The following SYT1 variants were observed in gnomAD, a reference collection of about 807,000 sequenced individuals.
SYT1 encodes the protein synaptotagmin 1, also known as synaptotagmin-1.
A neutral mutation model predicts 44.8 loss-of-function variants in SYT1; 8 were observed. That is an observed-to-expected ratio of 0.18 (90% confidence interval 0.10 to 0.32). The LOEUF is 0.32. SYT1 is among the 10% of genes least tolerant of loss of function. The pLI, the probability that SYT1 is intolerant of heterozygous loss-of-function variation, is 1.00. For missense variants in SYT1, 286 were observed against 509.3 expected, an observed-to-expected ratio of 0.56 and a Z score of 4.22; for synonymous variants, 154 against 188.8, an observed-to-expected ratio of 0.82 and a Z score of 1.51.
chr12:79,056,783 C>T (rs1309761385), intron 3 of SYT1, among the ~76,000 whole-genome samples: 1 of 151,850 alleles, frequency 6.6e-6, no homozygotes, highest in Non-Finnish European at 1.5e-5. Context: ...ATTCTTTTAC[C>T]AAAGAAATCT....
chr12:79,157,180 A>G (rs1422657654), intron 3 of SYT1, among the ~76,000 whole-genome samples: 1 of 152,182 alleles, frequency 6.6e-6, no homozygotes, highest in African/African-American at 2.4e-5. Flanking sequence ...CTGTCAGGCA[A>G]GCTTGTCACG....
At chr12:78,922,295 G>T (rs2137166847) in intron 1 of SYT1, among the ~76,000 whole-genome samples, 1 of 151,974 alleles carries the variant, frequency 6.6e-6, no homozygotes. Context: ...TACAATGAAT[G>T]TGTAACTAAT....
At chr12:79,201,866 C>T (rs1347913433) in intron 3 of SYT1, among the ~76,000 whole-genome samples, 1 of 152,122 alleles carries the variant, frequency 6.6e-6, no homozygotes, top group Non-Finnish European at 1.5e-5. Flanking sequence ...GTTTGGCACA[C>T]TCAGTATAAG....
rs184878462 is a variant in SYT1 at position 79,350,498 on chromosome 12, C to T, written c.811-3004C>T. On this transcript the variant is annotated intron_variant, in intron 8 of 10. Coordinates refer to ENST00000261205, the MANE Select transcript of SYT1 (RefSeq NM_005639.3). ...CGATGTCCTGACCTCGTGATCCGCC[C>T]GCCTCGGACTCCCAAAGAGCTGGGA... Among the ~76,000 whole-genome samples the T allele has an allele frequency of 8.2e-4, 124 of 152,062 alleles. 1 individual carries two copies. In the East Asian group the frequency reaches 8.5e-3, roughly 10 times the overall value.
chr12:79,407,761 T>C (rs1451120194), intron 9 of SYT1, among the ~76,000 whole-genome samples: 1 of 152,098 alleles, frequency 6.6e-6, no homozygotes, highest in Non-Finnish European at 1.5e-5. Flanking sequence ...TTTGCAACTC[T>C]CTTACGCACA....
intron 3 of SYT1, among the ~76,000 whole-genome samples, chr12:79,074,791 A>C (rs1876525712): frequency 6.6e-6 from 1 of 152,244 alleles, no homozygotes; most frequent in African/African-American, 2.4e-5. Context: ...TTCAAGCCCA[A>C]TTCTGAATGT....
rs185330486 is a variant in SYT1 at position 79,058,699 on chromosome 12, T to G, written c.-18+11337T>G. Among the ~76,000 whole-genome samples, 1,169 of 152,066 alleles carry G rather than the reference T, an allele frequency of 7.7e-3. 56 individuals carry two copies. The highest frequency in any genetic ancestry group is 0.07 in the Admixed American group (1,060 of 15,232). ...TGTTAATTTAAATAAACAAATAACT[T>G]AAGGAATTTCTGGCAGTGTGGGGTC... On this transcript the variant is annotated intron_variant, in intron 3 of 10. Transcript: ENST00000261205.
rs114669467 is a variant in SYT1 at position 78,880,319 on chromosome 12, T to G, written c.-217+15210T>G. On this transcript the variant is annotated intron_variant, in intron 1 of 10. Transcript: ENST00000261205. ...TCTCTTTTGATTACTTCTTCAAACC[T>G]TTTGTGTGTTTACTCAATTTTTGTG... Among the ~76,000 whole-genome samples, 776 of 151,822 alleles carry G rather than the reference T, an allele frequency of 5.1e-3. 11 individuals carry two copies. Among genetic ancestry groups the G allele is most frequent in the African/African-American group, 0.017 (718 of 41,482 alleles).
At chr12:79,410,441 A>C (rs1472807512) in intron 9 of SYT1, among the ~76,000 whole-genome samples, 3 of 144,278 alleles carry the variant, frequency 2.1e-5, no homozygotes, top group South Asian at 2.2e-4. Flanking sequence ...CCCCTTCCTC[A>C]TCTCTCTTTT....
chr12:79,433,774 G>C (rs1463077587), intron 9 of SYT1, among the ~76,000 whole-genome samples: 6 of 152,096 alleles, frequency 3.9e-5, no homozygotes, highest in Non-Finnish European at 7.4e-5. Flanking sequence ...GGAGAAACAG[G>C]CTTGAATTAT....
At position 79,451,835 on chromosome 12, in the gene SYT1, G is replaced by C. The variant is rs1157027212; in HGVS notation, c.*2711G>C. On this transcript the variant is annotated 3_prime_UTR_variant, in exon 11 of 11. Transcript: ENST00000261205. The stretch of plus-strand genomic sequence containing the variant: ...TTGGGGTGTTTTCCTCTGCCATATG[G>C]CTCGTGGCCTGCGAGCCAACTATTT... 6.6e-6 allele frequency: 1 copy of C among 152,126 alleles called. No homozygotes were observed. Among genetic ancestry groups the C allele is most frequent in the Non-Finnish European group, 1.5e-5 (1 of 68,040 alleles). The allele number at this position is 152,126 out of a possible 1,614,324, so 9.4% of individuals were successfully genotyped here. A position where few individuals can be genotyped will look rare whatever the true frequency, so the allele number is the denominator to read the frequency against.
At chr12:78,958,239 A>G (rs1879316763) in intron 1 of SYT1, among the ~76,000 whole-genome samples, 1 of 152,204 alleles carries the variant, frequency 6.6e-6, no homozygotes, top group African/African-American at 2.4e-5. Context: ...GAAGTAATCA[A>G]TAAACACTTC....
At chr12:78,939,883 G>A (rs1464718838) in intron 1 of SYT1, among the ~76,000 whole-genome samples, 1 of 152,146 alleles carries the variant, frequency 6.6e-6, no homozygotes, top group Non-Finnish European at 1.5e-5. Flanking sequence ...TGCCCTATCT[G>A]CTAGCTTGTC....
intron 3 of SYT1, among the ~76,000 whole-genome samples, chr12:79,062,680 G>A (rs1159972092): frequency 1.3e-5 from 2 of 152,090 alleles, no homozygotes; most frequent in Admixed American, 6.6e-5. Flanking sequence ...TGATATTTTT[G>A]AACACACGGA....
At chr12:79,157,401 A>T (rs1201210241) in intron 3 of SYT1, among the ~76,000 whole-genome samples, 1 of 152,178 alleles carries the variant, frequency 6.6e-6, no homozygotes, top group Non-Finnish European at 1.5e-5. Context: ...CTACTTCAGA[A>T]TCAACCTCCA....
chr12:79,389,572 C>T (rs1884572039), intron 9 of SYT1, among the ~76,000 whole-genome samples: 2 of 152,130 alleles, frequency 1.3e-5, no homozygotes, highest in African/African-American at 4.8e-5. Flanking sequence ...ATGTTAAAAG[C>T]TTAATTGTCC....
chr12:79,179,551 A>ATAGATATAGATATATAGATATG (rs1207781312), intron 3 of SYT1, among the ~76,000 whole-genome samples: 15 of 134,690 alleles, frequency 1.1e-4, no homozygotes, highest in Non-Finnish European at 1.7e-4. Context: ...ATAGAGATAT[A>ATAGATATAGATATATAGATATG]GATATAGATT....
intron 4 of SYT1, among the ~76,000 whole-genome samples, chr12:79,259,156 C>T (rs1219172247): frequency 6.6e-6 from 1 of 152,150 alleles, no homozygotes; most frequent in East Asian, 1.9e-4. Flanking sequence ...CCTGGTCTTC[C>T]TCTCTGTCCT....
intron 9 of SYT1, among the ~76,000 whole-genome samples, chr12:79,368,260 G>A (rs1326930003): frequency 2.6e-5 from 4 of 152,024 alleles, no homozygotes; most frequent in Non-Finnish European, 4.4e-5. Flanking sequence ...GTATTCCATG[G>A]TGTATATGTG....
Sources: gnomAD v4.1 joint callset for allele counts (sites outside exome capture counted in the v4.1 genomes callset) on GRCh38, gnomAD v4.1.1 for gene constraint, MANE v1.5 for transcripts, NCBI Gene and HGNC (gene_info 2026-07-23, HGNC 2026-07-21) for gene names.